The following COL5A2 variants were observed in gnomAD, a reference collection of about 807,000 sequenced individuals.
COL5A2 encodes collagen type V alpha 2 chain.
COL5A2 carries 23 observed loss-of-function variants against 208.2 expected under a neutral mutation model. The ratio of observed to expected loss-of-function variants is 0.11; its 90% confidence interval spans 0.08 to 0.16. COL5A2 has a LOEUF of 0.16. COL5A2 is among the 10% of genes least tolerant of loss of function. The pLI, the probability that COL5A2 is intolerant of heterozygous loss-of-function variation, is 1.00. For missense variants in COL5A2, 1,590 were observed against 1,956.4 expected (o/e 0.81, Z 3.53); for synonymous variants, 625 against 628.5 (o/e 0.99, Z 0.08).
At chr2:189,350,096 T>A in the COL5A2 span, among the ~76,000 whole-genome samples, 1 of 152,198 alleles carries the variant, frequency 6.6e-6, no homozygotes, top group African/African-American at 2.4e-5. Flanking sequence ...CAAGAATATA[T>A]TTATAAAATA....
At chr2:189,045,032 A>G (rs140507403) in intron 47 of COL5A2, 147 bp downstream of exon 47, 6,653 of 497,064 alleles carry the variant, frequency 0.013, 97 homozygotes, top group South Asian at 0.033. Flanking sequence ...TTTAAAAAAT[A>G]AGAGTAAACT....
At chr2:189,098,959 C>T (rs554865236) in intron 4 of COL5A2, among the ~76,000 whole-genome samples, 200 bp from the exon 5 acceptor site, 63 of 152,198 alleles carry the variant, frequency 4.1e-4, no homozygotes, top group African/African-American at 1.4e-3. Flanking sequence ...GCAGTGCTGG[C>T]GTAATGATAA....
At chr2:189,325,990 G>A in the COL5A2 span, among the ~76,000 whole-genome samples, 129,341 of 151,294 alleles carry the variant, frequency 0.85, 56,401 homozygotes, top group Non-Finnish European at 0.95. Context: ...CCAGCTACTT[G>A]GGAGGCTGAG....
chr2:189,310,753 A>C, the COL5A2 span, among the ~76,000 whole-genome samples: 1 of 151,900 alleles, frequency 6.6e-6, no homozygotes, highest in African/African-American at 2.4e-5. Flanking sequence ...AAAAAAAAGA[A>C]TGAGATCTAG....
At chr2:189,388,176 A>C in the COL5A2 span, among the ~76,000 whole-genome samples, 2 of 152,176 alleles carry the variant, frequency 1.3e-5, no homozygotes, top group African/African-American at 4.8e-5. Flanking sequence ...CACAGCAATA[A>C]AAATGGCTCT....
At chr2:189,035,271 C>T in intron 52 of COL5A2, 116 bp from the exon 53 acceptor site, 2 of 1,338,458 alleles carry the variant, frequency 1.5e-6, no homozygotes, top group Non-Finnish European at 2.1e-6. Context: ...AAGAGTATTA[C>T]TTTAATTCTT....
chr2:189,115,847 T>G (rs1216370471), intron 1 of COL5A2, among the ~76,000 whole-genome samples: 2 of 152,190 alleles, frequency 1.3e-5, no homozygotes, highest in African/African-American at 2.4e-5. Context: ...AGATAAGCAC[T>G]TTTAGCTCTC....
chr2:189,238,700 AAGG>A, the COL5A2 span, among the ~76,000 whole-genome samples: 14 of 152,172 alleles, frequency 9.2e-5, no homozygotes, highest in Non-Finnish European at 1.9e-4. Flanking sequence ...AGGTGGCAGG[AAGG>A]AGAAGAGCTG....
upstream of COL5A2, among the ~76,000 whole-genome samples, chr2:189,180,514 GA>G (rs1688764535): frequency 6.6e-6 from 1 of 152,094 alleles, no homozygotes. Context: ...ACCTTTGGAT[GA>G]AAAAAGGCTT....
the COL5A2 span, among the ~76,000 whole-genome samples, chr2:189,397,970 T>C: frequency 1.2e-4 from 18 of 152,142 alleles, no homozygotes; most frequent in Non-Finnish European, 2.4e-4. Context: ...ATTCCACAAA[T>C]TTTAATATGT....
chr2:189,355,910 G>A, the COL5A2 span, among the ~76,000 whole-genome samples: 3,854 of 152,288 alleles, frequency 0.025, 176 homozygotes, highest in African/African-American at 0.088. Flanking sequence ...TGCAGTGGCT[G>A]GTACCGGTTG....
chr2:189,345,244 A>G, the COL5A2 span, among the ~76,000 whole-genome samples: 1 of 152,226 alleles, frequency 6.6e-6, no homozygotes, highest in Non-Finnish European at 1.5e-5. Flanking sequence ...TTCCAACATC[A>G]GTTCTATGGA....
Position 189,053,908 on chromosome 2 carries a change from G to T in COL5A2, c.2486C>A (p.Ser829Tyr), listed in dbSNP as rs771633594. The T allele has an allele frequency of 1.9e-6, 3 of 1,613,904 alleles. No individual in the cohort carries two copies. The highest frequency in any genetic ancestry group is 1.7e-6 in the Non-Finnish European group (2 of 1,179,896). ...ACTGTCACTTACAGGATTGCCCCGG[G>T]AGCCAGGAGGGCCAACTAAACCTCG... Reference protein sequence around the residue: ...GPRGLVGPPGSRGNPGSRGEN... With the variant: ...GPRGLVGPPGYRGNPGSRGEN... Residue 829 changes from serine to tyrosine, a missense_variant, in exon 37 of 54, where the codon TCC (serine) becomes TAC (tyrosine). By Grantham distance (144) the Ser-to-Tyr change is moderately radical (BLOSUM62 -2). Coordinates refer to ENST00000374866, the MANE Select transcript of COL5A2 (RefSeq NM_000393.5).
chr2:189,221,439 A>G (rs1382694722), intron 1 of COL5A2, among the ~76,000 whole-genome samples: 2 of 152,140 alleles, frequency 1.3e-5, no homozygotes, highest in Admixed American at 6.5e-5. Context: ...TGCTCAGGAT[A>G]TGATTAAGGT....
intron 4 of COL5A2, 55 bp from the exon 5 acceptor site, chr2:189,098,814 A>C: frequency 1.5e-6 from 2 of 1,294,876 alleles, no homozygotes; most frequent in South Asian, 2.4e-5. Flanking sequence ...ATATTCAGAG[A>C]GGTCAATAGT....
chr2:189,060,622 C>T, intron 31 of COL5A2, 108 bp downstream of exon 31: 1 of 954,070 alleles, frequency 1.0e-6, no homozygotes, highest in Non-Finnish European at 1.7e-6. Flanking sequence ...TTTGAGAACT[C>T]AAAGAGATAA....
chr2:189,304,951 T>A, the COL5A2 span, among the ~76,000 whole-genome samples: 1 of 152,042 alleles, frequency 6.6e-6, no homozygotes, highest in Non-Finnish European at 1.5e-5. Flanking sequence ...TATGAGTAAG[T>A]CAAGTCAAAT....
At chr2:189,071,229 C>A (rs1206330350) in intron 18 of COL5A2, among the ~76,000 whole-genome samples, 2 of 152,134 alleles carry the variant, frequency 1.3e-5, no homozygotes, top group Non-Finnish European at 2.9e-5. Flanking sequence ...AGGTGACTGT[C>A]CGTGACCGCA....
chr2:189,309,021 T>C, the COL5A2 span, among the ~76,000 whole-genome samples: 2 of 152,216 alleles, frequency 1.3e-5, no homozygotes, highest in African/African-American at 4.8e-5. Context: ...TCTGATTTGG[T>C]GACTCTCTTG....
Sources: allele counts gnomAD v4.1 joint callset (sites outside exome capture counted in the v4.1 genomes callset), GRCh38; gene constraint gnomAD v4.1.1; transcripts MANE v1.5; gene names NCBI Gene and HGNC (gene_info 2026-07-23, HGNC 2026-07-21).